MAVS: variants seen among roughly 807,000 people sequenced by gnomAD.
The protein encoded by MAVS is mitochondrial antiviral-signaling protein.
Under a neutral mutation model 30.2 loss-of-function variants are expected in MAVS, and 20 were observed. The observed-to-expected ratio is 0.66, with a 90% CI of 0.47 to 0.96. The LOEUF (loss-of-function observed/expected upper bound fraction) is 0.96, where lower values mean the gene tolerates loss of function less well. Ranked by LOEUF, MAVS falls within the 40% of genes least tolerant of loss-of-function variation. MAVS has a pLI of 0.00. For synonymous variants in MAVS, 278 were observed against 293.9 expected, an observed-to-expected ratio of 0.95 and a Z score of 0.55; for missense variants, 624 against 701.1, an observed-to-expected ratio of 0.89 and a Z score of 1.24.
rs373255379 is a variant in MAVS, at chr20:3,866,357, C to A, written c.*210C>A. ...CCCCACGGTGCCTTGTGTGGGTCCC[C>A]GTCCTTGGCTTTCTGGGTCCTGGGC... On this transcript the variant is annotated 3_prime_UTR_variant, in exon 7 of 7. Coordinates refer to ENST00000428216, the MANE Select transcript of MAVS (RefSeq NM_020746.5). 1.6e-5 allele frequency: 9 copies of A among 576,070 alleles called. No homozygotes were observed. Among genetic ancestry groups the A allele is most frequent in the Middle Eastern group, 4.5e-4 (1 of 2,246 alleles). The allele number at this position is 576,070 out of a possible 1,614,324, so 35.7% of individuals were successfully genotyped here.
At chr20:3,862,472 T>C (rs1485505179) in intron 5 of MAVS, 59 bp downstream of exon 5, 1 of 1,524,636 alleles carries the variant, frequency 6.6e-7, no homozygotes, top group Non-Finnish European at 8.9e-7. Flanking sequence ...GGGTAAGAAT[T>C]AGAGTTGCCC....
intron 3 of MAVS, among the ~76,000 whole-genome samples, chr20:3,859,907 C>A (rs1035051523): frequency 8.6e-5 from 13 of 151,822 alleles, no homozygotes; most frequent in Admixed American, 6.6e-4. Flanking sequence ...AGCTCCGCCT[C>A]CCGGGTTCAC....
chr20:3,867,824 T>C lies in MAVS; in HGVS notation c.*1677T>C, dbSNP rs1344589208. 1 of 152,522 alleles carries C rather than the reference T, an allele frequency of 6.6e-6. No homozygotes were observed. Among genetic ancestry groups the C allele is most frequent in the Non-Finnish European group, 1.5e-5 (1 of 68,230 alleles). The allele number at this position is 152,522 out of a possible 1,614,324, so 9.4% of individuals were successfully genotyped here. On this transcript the variant is annotated 3_prime_UTR_variant, in exon 7 of 7. Transcript: ENST00000428216. ...TCCCTCACCCCAAGCTCACCCACTG[T>C]TGGGGAGATTATCTACAATAACACC... is the stretch of plus-strand genomic sequence containing the variant.
chr20:3,866,954 G>A lies in MAVS; in HGVS notation c.*807G>A, dbSNP rs1319004966. The A allele has an allele frequency of 2.2e-6, 1 of 456,926 alleles. No individual in the cohort carries two copies. Among genetic ancestry groups the A allele is most frequent in the Non-Finnish European group, 4.4e-6 (1 of 226,986 alleles). 28.3% of individuals were successfully genotyped at this position (456,926 alleles called of 1,614,324 possible). On this transcript the variant is annotated 3_prime_UTR_variant, in exon 7 of 7. Coordinates refer to ENST00000428216, the MANE Select transcript of MAVS (RefSeq NM_020746.5). Reference sequence around the variant, plus strand: ...CCGGGGCTGTGTGGCTTTGGCAGATGTCAGACTTCTGGTCTTGCTTCTCCA... The same window carrying A: ...CCGGGGCTGTGTGGCTTTGGCAGATATCAGACTTCTGGTCTTGCTTCTCCA...
Position 3,864,250 on chromosome 20 carries a change from C to T in MAVS, c.626-6C>T, listed in dbSNP as rs537112284. On this transcript the variant is annotated splice_region_variant and splice_polypyrimidine_tract_variant and intron_variant, in intron 5 of 6. Transcript: ENST00000428216. ...TGTGTTTCCACTTGTGTTTTTCCAC[C>T]GGCAGGTGCGACCTCCAGCCTCACA... is the stretch of plus-strand genomic sequence containing the variant. The T allele has an allele frequency of 2.7e-4, 429 of 1,593,926 alleles. 8 individuals carry two copies. In the South Asian group the frequency reaches 3.6e-3, roughly 13 times the overall value.
At chr20:3,856,056 G>A (rs1483086987) in intron 2 of MAVS, among the ~76,000 whole-genome samples, 3 of 130,860 alleles carry the variant, frequency 2.3e-5, no homozygotes, top group Admixed American at 1.6e-4. Flanking sequence ...GCAGTGGCAC[G>A]ATTTTTTTTT....
In MAVS at chr20:3,854,617, G is replaced by A. The variant is rs369297468; in HGVS notation, c.-8G>A. On this transcript the variant is annotated 5_prime_UTR_variant, in exon 2 of 7. Transcript: ENST00000428216. ...GGCCAGAGCCCTCTCTCCAGAATCT[G>A]AGCAGCAATGCCGTTTGCTGAAGAC... The A allele has an allele frequency of 4.4e-5, 71 of 1,604,668 alleles. No homozygotes were observed. The Admixed American group carries it at 8.2e-4, about 19-fold the overall frequency.
rs1310143439 is a variant in MAVS at position 3,865,942 on chromosome 20, A to G, written c.1418A>G (p.Asn473Ser). The G allele has an allele frequency of 1.2e-6, 2 of 1,613,570 alleles. No individual in the cohort carries two copies. Among genetic ancestry groups the G allele is most frequent in the Non-Finnish European group, 1.7e-6 (2 of 1,179,842 alleles). The part of the protein sequence containing the change: ...EGTFGIHVAE[N>S]PSIQLLEGNP... Reference sequence around the variant, plus strand: ...ACCTTTGGGATCCACGTGGCTGAGAACCCCAGCATCCAGCTCCTGGAGGGC... The same window carrying G: ...ACCTTTGGGATCCACGTGGCTGAGAGCCCCAGCATCCAGCTCCTGGAGGGC... Residue 473 changes from asparagine to serine, a missense_variant, in exon 7 of 7, where the codon AAC becomes AGC. Coordinates refer to ENST00000428216, the MANE Select transcript of MAVS (RefSeq NM_020746.5). This position sits in a 1 kb window ranked among gnomAD's most constrained non-coding sequence, Gnocchi z 4.7.
chr20:3,875,960 G>A lies in MAVS; in HGVS notation c.*9813G>A, dbSNP rs553442718. The A allele has an allele frequency of 6.6e-6, 1 of 152,436 alleles. No homozygotes were observed. The highest frequency in any genetic ancestry group is 6.5e-5 in the Admixed American group (1 of 15,282). The allele number at this position is 152,436 out of a possible 1,614,324, so 9.4% of individuals were successfully genotyped here. A position where few individuals can be genotyped will look rare whatever the true frequency, so the allele number is the denominator to read the frequency against. ...ACATACAGCTGGAAATCGGCTTCTT[G>A]CAGGAGGCGTATCCAAAGGAATTGG... is the stretch of plus-strand genomic sequence containing the variant. On this transcript the variant is annotated 3_prime_UTR_variant, in exon 7 of 7. Transcript: ENST00000428216.
In MAVS at chr20:3,865,647, C is replaced by T. The variant is rs2089900254; in HGVS notation, c.1159-36C>T. On this transcript the variant is annotated intron_variant, in intron 6 of 6. Coordinates refer to ENST00000428216, the MANE Select transcript of MAVS (RefSeq NM_020746.5). The surrounding 1 kb of genome is among the most constrained non-coding windows in gnomAD (Gnocchi z 4.7). ...CCTACCAGGTTCGTCTCCCTGCCAACCCCAGTCCCTTCCAGTGCTCTCCTT... is the reference window on the plus strand; with the variant it reads ...CCTACCAGGTTCGTCTCCCTGCCAATCCCAGTCCCTTCCAGTGCTCTCCTT... The T allele has an allele frequency of 3.2e-6, 5 of 1,551,872 alleles. No individual in the cohort carries two copies. The South Asian group carries it at 4.8e-5, about 15-fold the overall frequency.
chr20:3,848,106 CT>C (rs879579143), intron 1 of MAVS, among the ~76,000 whole-genome samples: 65 of 146,436 alleles, frequency 4.4e-4, no homozygotes, highest in South Asian at 4.3e-4. Flanking sequence ...AGAAAGGGGT[CT>C]TTTTTTTTTT....
intron 2 of MAVS, 45 bp from the exon 3 acceptor site, chr20:3,857,590 A>C: frequency 6.4e-7 from 1 of 1,562,694 alleles, no homozygotes; most frequent in Non-Finnish European, 8.7e-7. Flanking sequence ...GGGAAGTGGC[A>C]GGGGCCACCT....
In MAVS at chr20:3,875,829, C is replaced by CTGGGG. The variant is rs1160816388; in HGVS notation, c.*9682_*9683insTGGGG. ...TCCTGCCTCCCCCATCCCCAGGTGC[C>CTGGGG]ATTCCCACACCATCTGAATCACTGA... On this transcript the variant is annotated 3_prime_UTR_variant, in exon 7 of 7. Transcript: ENST00000428216. 1 of 152,522 alleles carries CTGGGG rather than the reference C, an allele frequency of 6.6e-6. No individual in the cohort carries two copies. The highest frequency in any genetic ancestry group is 1.5e-5 in the Non-Finnish European group (1 of 68,094). The allele number at this position is 152,522 out of a possible 1,614,324, so 9.4% of individuals were successfully genotyped here.
rs750830591 is a variant in MAVS at position 3,865,811 on chromosome 20, C to A, written c.1287C>A (p.Asp429Glu). Residue 429 changes from aspartate to glutamate, a missense_variant, in exon 7 of 7, where the codon GAC becomes GAA. Transcript: ENST00000428216. This position sits in a 1 kb window ranked among gnomAD's most constrained non-coding sequence, Gnocchi z 4.7. Reference sequence around the variant, plus strand: ...CTGGCGTGCTGGCATCCCAGGTAGACAGCCCGTTCTCGGGCTGCTTCGAGG... The same window carrying A: ...CTGGCGTGCTGGCATCCCAGGTAGAAAGCCCGTTCTCGGGCTGCTTCGAGG... ...SKPGVLASQV[D>E]SPFSGCFEDL... The A allele has an allele frequency of 1.2e-6, 2 of 1,613,952 alleles. No homozygotes were observed. The highest frequency in any genetic ancestry group is 8.5e-7 in the Non-Finnish European group (1 of 1,180,018).
At position 3,861,338 on chromosome 20, in the gene MAVS, CG is replaced by C; in HGVS notation, c.301del (p.Asp101ThrfsTer90). 3 of 1,611,966 alleles carry C rather than the reference CG, an allele frequency of 1.9e-6. No homozygotes were observed. Among genetic ancestry groups the C allele is most frequent in the Non-Finnish European group, 2.5e-6 (3 of 1,178,958 alleles). On this transcript the variant is annotated frameshift_variant, in exon 4 of 7. Transcript: ENST00000428216. LOFTEE classifies it high-confidence loss of function. ...SVYQSYQPRT[S>X]DRPPDPLEPP... ...CTACATCTTTGTCCTCTAGGGACCT[CG>C]GACCGTCCCCCAGACCCACTGGAGC...
At chr20:3,860,417 C>G (rs1259534270) in intron 3 of MAVS, among the ~76,000 whole-genome samples, 1 of 151,056 alleles carries the variant, frequency 6.6e-6, no homozygotes, top group Non-Finnish European at 1.5e-5. Context: ...TCTTGTTGCC[C>G]AGGCTGGAGT....
At chr20:3,854,343 T>G (rs1406594653) in intron 1 of MAVS, among the ~76,000 whole-genome samples, 1 of 142,720 alleles carries the variant, frequency 7.0e-6, no homozygotes, top group Admixed American at 7.5e-5. Flanking sequence ...GAGACTCAAT[T>G]GAACCCAGGA....
rs1394454580 is a variant in MAVS at position 3,866,334 on chromosome 20, C to G, written c.*187C>G. ...AGTCCTGAGAGCAGCATCTCTGTCC[C>G]CACGGTGCCTTGTGTGGGTCCCCGT... On this transcript the variant is annotated 3_prime_UTR_variant, in exon 7 of 7. Coordinates refer to ENST00000428216, the MANE Select transcript of MAVS (RefSeq NM_020746.5). The G allele has an allele frequency of 9.7e-6, 6 of 615,820 alleles. No individual in the cohort carries two copies. Among genetic ancestry groups the G allele is most frequent in the Middle Eastern group, 4.1e-4 (1 of 2,412 alleles). 38.1% of individuals were successfully genotyped at this position (615,820 alleles called of 1,614,324 possible). A position where few individuals can be genotyped will look rare whatever the true frequency, so the allele number is the denominator to read the frequency against.
At chr20:3,856,584 T>C (rs893309636) in intron 2 of MAVS, among the ~76,000 whole-genome samples, 1 of 151,604 alleles carries the variant, frequency 6.6e-6, no homozygotes, top group African/African-American at 2.4e-5. Flanking sequence ...ACTCCTGACC[T>C]TGTGATCCTC....
Sources: allele counts gnomAD v4.1 joint callset (sites outside exome capture counted in the v4.1 genomes callset), GRCh38; gene constraint gnomAD v4.1.1; non-coding constraint Gnocchi (gnomAD v3.1); transcripts MANE v1.5; gene names NCBI Gene and HGNC (gene_info 2026-07-23, HGNC 2026-07-21).